Variants in VPS33A observed in about 807,000 individuals in gnomAD.
VPS33A encodes the protein VPS33A core subunit of CORVET and HOPS complexes.
In VPS33A, 32 loss-of-function variants were observed where a neutral mutation model predicts 71.8. The ratio of observed to expected loss-of-function variants is 0.45; its 90% CI spans 0.34 to 0.60. VPS33A has a LOEUF of 0.60. Ranked by LOEUF, VPS33A falls within the 20% of genes least tolerant of loss-of-function variation. The probability of loss-of-function intolerance (pLI) is 0.02; values close to 1 mark genes in which losing one functional copy is unlikely to be tolerated. For missense variants in VPS33A, 625 were observed against 748.5 expected (o/e 0.84, Z 1.92); for synonymous variants, 311 against 292.7 (o/e 1.06, Z -0.64).
chr12:122,265,740 G>A (rs953239738), intron 1 of VPS33A: 2 of 453,630 alleles, frequency 4.4e-6, no homozygotes, highest in East Asian at 1.4e-4. Flanking sequence ...GGGGATGAAG[G>A]AGAGGTGACA....
intron 6 of VPS33A, among the ~76,000 whole-genome samples, chr12:122,245,717 T>G (rs778489489): frequency 6.6e-6 from 1 of 152,194 alleles, no homozygotes; most frequent in Non-Finnish European, 1.5e-5. Context: ...AAGTGCTGGA[T>G]TACAGGTGTG....
intron 4 of VPS33A, among the ~76,000 whole-genome samples, chr12:122,260,553 C>G (rs1566052268): frequency 6.6e-6 from 1 of 152,080 alleles, no homozygotes; most frequent in Non-Finnish European, 1.5e-5. Context: ...CCCGCCTCAG[C>G]CTCCTAAAGT....
chr12:122,233,279 G>A (rs751646498), intron 11 of VPS33A, among the ~76,000 whole-genome samples: 35 of 151,278 alleles, frequency 2.3e-4, no homozygotes, highest in South Asian at 8.3e-4. Flanking sequence ...AGGCTGGAGT[G>A]CAGTGGCATA....
intron 6 of VPS33A, chr12:122,248,078 G>GTGTGTGTC (rs1378991045): frequency 6.6e-6 from 1 of 152,098 alleles, no homozygotes; most frequent in East Asian, 1.9e-4. Flanking sequence ...GTGTGTGTGT[G>GTGTGTGTC]TGTGTGTATT....
chr12:122,264,008 T>A (rs1312507636), intron 2 of VPS33A, 126 bp downstream of exon 2: 3 of 804,760 alleles, frequency 3.7e-6, no homozygotes, highest in Admixed American at 5.0e-5. Flanking sequence ...CGGGCACTAG[T>A]ATTAGTGTTT....
At chr12:122,259,231 A>AT (rs1555250086) in intron 4 of VPS33A, among the ~76,000 whole-genome samples, 5 of 147,228 alleles carry the variant, frequency 3.4e-5, no homozygotes, top group Non-Finnish European at 3.0e-5. Context: ...GTATGTATGT[A>AT]TTTTTGAGAC....
In VPS33A at chr12:122,255,913, T is replaced by C. The variant is rs538136713; in HGVS notation, c.484-4814A>G. ...CAACCTCCTGGGCTCAAGTGATCCT[T>C]CTGCCTCAGCCTCCTGAGTTACTGG... is the stretch of plus-strand genomic sequence containing the variant. On this transcript the variant is annotated intron_variant, in intron 4 of 12. Transcript: ENST00000267199. 1.2e-3 allele frequency among the ~76,000 whole-genome samples: 178 copies of C among 151,868 alleles called. 2 individuals carry two copies. Among genetic ancestry groups the C allele is most frequent in the African/African-American group, 4.1e-3 (170 of 41,268 alleles).
chr12:122,248,060 C>CTGTGTGTG (rs34574719), intron 6 of VPS33A: 30,816 of 148,198 alleles, frequency 0.21, 3,946 homozygotes, highest in East Asian at 0.49. Flanking sequence ...CCAAATCCAG[C>CTGTGTGTG]TGTGTGTGTG....
intron 5 of VPS33A, 90 bp from the exon 6 acceptor site, chr12:122,250,135 T>TA: frequency 1.5e-6 from 2 of 1,357,184 alleles, no homozygotes; most frequent in Non-Finnish European, 2.0e-6. Flanking sequence ...ATCAAAAAAG[T>TA]AAAAAAGGAG....
Position 122,260,095 on chromosome 12 carries a change from C to T in VPS33A, c.483+1166G>A, listed in dbSNP as rs573519696. Among the ~76,000 whole-genome samples the T allele has an allele frequency of 7.0e-4, 107 of 152,058 alleles. 2 individuals are homozygous for T. The highest frequency in any genetic ancestry group is 2.4e-3 in the African/African-American group (101 of 41,432). On this transcript the variant is annotated intron_variant, in intron 4 of 12. Transcript: ENST00000267199. ...AATAAGCGAATTCATACAGACTGAA[C>T]TAGATTAGTGGCTGCCAGAGGCTGA...
chr12:122,266,240 AG>A lies in VPS33A; in HGVS notation c.102+66del, dbSNP rs1456496895. The A allele has an allele frequency of 1.5e-5, 24 of 1,574,520 alleles. No individual in the cohort carries two copies. The African/African-American group carries it at 1.7e-4, about 11-fold the overall frequency. On this transcript the variant is annotated intron_variant, in intron 1 of 12. Transcript: ENST00000267199. ...TCATAAACCGCGAACTCAGGCGGTCAGGGAACGGATTAAACCAGGCCGGACC... is the reference window on the plus strand; with the variant it reads ...TCATAAACCGCGAACTCAGGCGGTCAGGAACGGATTAAACCAGGCCGGACC...
At chr12:122,250,207 C>A in intron 5 of VPS33A, 162 bp from the exon 6 acceptor site, 1 of 711,932 alleles carries the variant, frequency 1.4e-6, no homozygotes, top group Non-Finnish European at 2.2e-6. Flanking sequence ...TTGCTGTTGG[C>A]ACCCATCCCG....
intron 7 of VPS33A, among the ~76,000 whole-genome samples, chr12:122,244,040 G>A (rs1372325566): frequency 6.6e-6 from 1 of 152,146 alleles, no homozygotes; most frequent in African/African-American, 2.4e-5. Context: ...TCAAAAAGGA[G>A]CCTGAGCAAG....
intron 11 of VPS33A, among the ~76,000 whole-genome samples, chr12:122,233,898 T>C (rs1954597024): frequency 1.3e-5 from 2 of 152,118 alleles, no homozygotes; most frequent in South Asian, 2.1e-4. Flanking sequence ...GCTGAACTAA[T>C]ATGTACATGA....
chr12:122,238,801 A>G, intron 9 of VPS33A, 77 bp from the exon 10 acceptor site: 1 of 1,200,522 alleles, frequency 8.3e-7, no homozygotes, highest in South Asian at 1.4e-5. Flanking sequence ...ACACACACAC[A>G]CACACAATAC....
chr12:122,253,778 A>G (rs1954877108), intron 4 of VPS33A, among the ~76,000 whole-genome samples: 1 of 151,682 alleles, frequency 6.6e-6, no homozygotes, highest in Admixed American at 6.6e-5. Flanking sequence ...GCTCACTGCA[A>G]CCTACACCTC....
rs376837257 is a variant in VPS33A, at chr12:122,235,296, G to C, written c.1440+490C>G. On this transcript the variant is annotated intron_variant, in intron 11 of 12. Coordinates refer to ENST00000267199, the MANE Select transcript of VPS33A (RefSeq NM_022916.6). ...TTTTTTTTTTTTGAGACAGAGTCTTGCTCTGTCGCCCAGGCTGGAGTGCAA... is the reference window on the plus strand; with the variant it reads ...TTTTTTTTTTTTGAGACAGAGTCTTCCTCTGTCGCCCAGGCTGGAGTGCAA... Among the ~76,000 whole-genome samples, 213 of 137,776 alleles carry C rather than the reference G, an allele frequency of 1.5e-3. 1 individual carries two copies. The highest frequency in any genetic ancestry group is 5.5e-3 in the African/African-American group (201 of 36,520). The allele number at this position is 137,776 out of a possible 152,430, so 90.4% of individuals were successfully genotyped here. A position where few individuals can be genotyped will look rare whatever the true frequency, so the allele number is the denominator to read the frequency against.
Position 122,261,344 on chromosome 12 carries a change from A to T in VPS33A, c.400T>A (p.Phe134Ile). The change falls in exon 4 of 13, where the codon TTT becomes ATT. Residue 134 changes from phenylalanine (F) to isoleucine (I), a missense_variant. Coordinates refer to ENST00000267199, the MANE Select transcript of VPS33A (RefSeq NM_022916.6). The part of the protein sequence containing the change: ...RLKDLGVLGS[F>I]IHREEYSLDL... ...AAGCTGTACTCCTCCCTGTGAATAA[A>T]GGATCCCAAGACACCCAGATCCTTC... The T allele has an allele frequency of 3.7e-6, 6 of 1,614,074 alleles. No homozygotes were observed. The highest frequency in any genetic ancestry group is 5.1e-6 in the Non-Finnish European group (6 of 1,180,000).
chr12:122,242,391 C>G lies in VPS33A; in HGVS notation c.1087G>C (p.Asp363His). Residue 363 changes from aspartate to histidine, a missense_variant, in exon 8 of 13, where the codon GAT becomes CAT. Physicochemically the swap from Asp to His is moderately conservative, Grantham distance 81 (BLOSUM62 -1). Coordinates refer to ENST00000267199, the MANE Select transcript of VPS33A (RefSeq NM_022916.6). Reference sequence around the variant, plus strand: ...TACAAAGGATACTCACTAGTGACATCTTTGATCAATTCTGCAATTGAGGTA... The same window carrying G: ...TACAAAGGATACTCACTAGTGACATGTTTGATCAATTCTGCAATTGAGGTA... ...NHTSIAELIK[D>H]VTTSEDFFDK... 1 of 1,613,664 alleles carries G rather than the reference C, an allele frequency of 6.2e-7. No individual in the cohort carries two copies. Among genetic ancestry groups the G allele is most frequent in the Non-Finnish European group, 8.5e-7 (1 of 1,179,588 alleles).
Sources: allele counts gnomAD v4.1 joint callset (sites outside exome capture counted in the v4.1 genomes callset), GRCh38; gene constraint gnomAD v4.1.1; transcripts MANE v1.5; gene names NCBI Gene and HGNC (gene_info 2026-07-23, HGNC 2026-07-21).